Variants in PCDH9 observed in about 807,000 individuals in gnomAD.
PCDH9 encodes protocadherin 9.
Under a neutral mutation model 70.6 loss-of-function variants are expected in PCDH9, and 24 were observed. The observed-to-expected ratio is 0.34, with a 90% CI of 0.25 to 0.48. PCDH9 has a LOEUF of 0.48. Ranked by LOEUF, PCDH9 falls within the 20% of genes least tolerant of loss-of-function variation. The pLI is 0.99. For synonymous variants in PCDH9, 562 were observed against 558.5 expected (o/e 1.01, Z -0.09); for missense variants, 1,281 against 1,503.6 (o/e 0.85, Z 2.45).
At chr13:66,662,941 A>G (rs2139020750) in intron 3 of PCDH9, among the ~76,000 whole-genome samples, 1 of 152,372 alleles carries the variant, frequency 6.6e-6, no homozygotes, top group East Asian at 1.9e-4. Flanking sequence ...ACTATACAAT[A>G]TCAAGAGTTC....
intron 4 of PCDH9, among the ~76,000 whole-genome samples, chr13:66,528,713 G>A (rs553423835): frequency 6.6e-6 from 1 of 152,220 alleles, no homozygotes; most frequent in Non-Finnish European, 1.5e-5. Context: ...TAGGCAGGAA[G>A]ATTAGGACAA....
At chr13:66,466,773 C>G (rs1279432905) in intron 4 of PCDH9, among the ~76,000 whole-genome samples, 1 of 151,992 alleles carries the variant, frequency 6.6e-6, no homozygotes, top group Admixed American at 6.6e-5. Context: ...TTTTAATATA[C>G]CTGGAGTGGT....
intron 2 of PCDH9, among the ~76,000 whole-genome samples, chr13:67,146,209 A>G (rs1385765101): frequency 6.6e-6 from 1 of 152,156 alleles, no homozygotes; most frequent in Non-Finnish European, 1.5e-5. Flanking sequence ...ATTGAATAAG[A>G]ACAGAAATCC....
At chr13:66,478,107 G>T (rs1334920273) in intron 4 of PCDH9, among the ~76,000 whole-genome samples, 1 of 152,042 alleles carries the variant, frequency 6.6e-6, no homozygotes, top group South Asian at 2.1e-4. Flanking sequence ...TTAAATGTTT[G>T]GTGCATTATT....
At chr13:66,422,850 A>T (rs1248482709) in intron 4 of PCDH9, among the ~76,000 whole-genome samples, 1 of 152,120 alleles carries the variant, frequency 6.6e-6, no homozygotes, top group Non-Finnish European at 1.5e-5. Flanking sequence ...CCCTTAAAAA[A>T]ATATCAATGA....
At chr13:66,441,708 C>A (rs1159978659) in intron 4 of PCDH9, among the ~76,000 whole-genome samples, 1 of 151,774 alleles carries the variant, frequency 6.6e-6, no homozygotes, top group Non-Finnish European at 1.5e-5. Flanking sequence ...TGTTTTATTA[C>A]TTTATATTAT....
chr13:66,661,840 T>A (rs1337485935), intron 3 of PCDH9, among the ~76,000 whole-genome samples: 2 of 152,218 alleles, frequency 1.3e-5, no homozygotes, highest in African/African-American at 4.8e-5. Flanking sequence ...TTTGTATTTA[T>A]AATCAAAAAG....
intron 3 of PCDH9, among the ~76,000 whole-genome samples, chr13:66,902,737 A>ATAG (rs2082296494): frequency 2.0e-5 from 3 of 151,740 alleles, no homozygotes; most frequent in African/African-American, 7.2e-5. Flanking sequence ...CAATGCAAAA[A>ATAG]TAGTTAACAC....
chr13:66,521,889 C>T (rs1037383013), intron 4 of PCDH9, among the ~76,000 whole-genome samples: 13 of 151,708 alleles, frequency 8.6e-5, no homozygotes, highest in African/African-American at 3.1e-4. Context: ...TTTGTGTGTG[C>T]ATATATATAC....
intron 3 of PCDH9, among the ~76,000 whole-genome samples, chr13:66,826,307 T>G (rs58808998): frequency 0.02 from 2,970 of 152,276 alleles, 91 homozygotes; most frequent in African/African-American, 0.067. Context: ...TCCCTAGTTT[T>G]TGGTTTTTTG....
intron 2 of PCDH9, among the ~76,000 whole-genome samples, chr13:66,965,597 G>GT (rs1012382609): frequency 2.0e-5 from 3 of 151,402 alleles, no homozygotes; most frequent in Non-Finnish European, 4.4e-5. Flanking sequence ...ATATTAAATT[G>GT]TTTTTTTTCC....
chr13:66,539,551 C>T (rs1279158497), intron 4 of PCDH9, among the ~76,000 whole-genome samples: 2 of 152,092 alleles, frequency 1.3e-5, no homozygotes, highest in African/African-American at 2.4e-5. Context: ...TGAATACAAT[C>T]ATAGAGCTCA....
At chr13:66,612,226 C>T (rs779116102) in intron 4 of PCDH9, among the ~76,000 whole-genome samples, 1 of 152,078 alleles carries the variant, frequency 6.6e-6, no homozygotes, top group Non-Finnish European at 1.5e-5. Flanking sequence ...TGTGATGTGC[C>T]AAAAGGACCA....
chr13:67,055,512 T>C (rs2085400942), intron 2 of PCDH9, among the ~76,000 whole-genome samples: 1 of 152,154 alleles, frequency 6.6e-6, no homozygotes, highest in Non-Finnish European at 1.5e-5. Flanking sequence ...CAGGTGGATT[T>C]ATATCCTAAG....
At chr13:66,363,518 A>T (rs574726722) in intron 4 of PCDH9, among the ~76,000 whole-genome samples, 5 of 152,290 alleles carry the variant, frequency 3.3e-5, no homozygotes, top group African/African-American at 1.2e-4. Context: ...TATTTAAATA[A>T]CACTGCAGGG....
chr13:66,419,123 G>T (rs1957515821), intron 4 of PCDH9, among the ~76,000 whole-genome samples: 1 of 151,924 alleles, frequency 6.6e-6, no homozygotes, highest in African/African-American at 2.4e-5. Context: ...AAAAAGCCCA[G>T]GACCAGACGG....
intron 4 of PCDH9, among the ~76,000 whole-genome samples, chr13:66,616,899 C>G (rs757315076): frequency 2.0e-5 from 3 of 152,062 alleles, no homozygotes; most frequent in Non-Finnish European, 4.4e-5. Flanking sequence ...TTTGTCCCAG[C>G]CTCAATTCCA....
intron 3 of PCDH9, among the ~76,000 whole-genome samples, chr13:66,714,477 CA>C (rs1215376049): frequency 6.8e-6 from 1 of 148,022 alleles, no homozygotes; most frequent in Non-Finnish European, 1.5e-5. Flanking sequence ...AAAAAAAAAA[CA>C]AAAAAAGTTA....
At chr13:66,763,687 G>A (rs977929336) in intron 3 of PCDH9, among the ~76,000 whole-genome samples, 1 of 152,100 alleles carries the variant, frequency 6.6e-6, no homozygotes, top group Non-Finnish European at 1.5e-5. Context: ...TCATGTGGAA[G>A]ACAGTCAGCA....
Sources: allele counts gnomAD v4.1 joint callset (sites outside exome capture counted in the v4.1 genomes callset), GRCh38; gene constraint gnomAD v4.1.1; transcripts MANE v1.5; gene names NCBI Gene and HGNC (gene_info 2026-07-23, HGNC 2026-07-21).